RBMS1: variants seen among roughly 807,000 people sequenced by gnomAD.
RBMS1 encodes RNA binding motif single stranded interacting protein 1, also known as RNA-binding motif, single-stranded-interacting protein 1.
A neutral mutation model predicts 62.3 loss-of-function variants in RBMS1; 17 were observed. That is an observed-to-expected ratio of 0.27 (90% CI 0.19 to 0.41). RBMS1 has a LOEUF of 0.41. Among genes scored for constraint, RBMS1 ranks in the 10% least tolerant of loss-of-function variants. The pLI is 1.00. For missense variants in RBMS1, 334 were observed against 504.5 expected (o/e 0.66, Z 3.24); for synonymous variants, 172 against 170.0 (o/e 1.01, Z -0.09).
At chr2:160,356,297 T>C (rs1188886146) in intron 2 of RBMS1, among the ~76,000 whole-genome samples, 1 of 152,134 alleles carries the variant, frequency 6.6e-6, no homozygotes, top group Non-Finnish European at 1.5e-5. Context: ...CTCCTGCCTT[T>C]ATTTTGAGTT....
At chr2:160,311,232 C>CTCTCTCTCTCTCTCTA (rs1553505424) in intron 4 of RBMS1, among the ~76,000 whole-genome samples, 78 of 79,236 alleles carry the variant, frequency 9.8e-4, no homozygotes, top group Non-Finnish European at 1.6e-3. Context: ...ATCTATCTAT[C>CTCTCTCTCTCTCTCTA]TATATATATA....
Position 160,332,361 on chromosome 2 carries a change from A to T in RBMS1, c.252-14134T>A, listed in dbSNP as rs566272031. Among the ~76,000 whole-genome samples, 7 of 152,350 alleles carry T rather than the reference A, an allele frequency of 4.6e-5. No homozygotes were observed. The South Asian group carries it at 1.4e-3, about 32-fold the overall frequency. On this transcript the variant is annotated intron_variant, in intron 2 of 13. Transcript: ENST00000348849. The stretch of plus-strand genomic sequence containing the variant: ...TAATTTCAAGTTATAAACTGGGACA[A>T]AAACGTCCCAATACAATTTTGTAAA...
At chr2:160,392,629 A>ATTGCTCC (rs1694926502) in intron 1 of RBMS1, among the ~76,000 whole-genome samples, 1 of 152,164 alleles carries the variant, frequency 6.6e-6, no homozygotes, top group African/African-American at 2.4e-5. Flanking sequence ...TAAAAAGAGG[A>ATTGCTCC]AGGGCATTCT....
At chr2:160,442,521 C>T (rs1222597359) in intron 1 of RBMS1, among the ~76,000 whole-genome samples, 1 of 152,174 alleles carries the variant, frequency 6.6e-6, no homozygotes, top group East Asian at 1.9e-4. Context: ...TAGAACTAGC[C>T]ATCCCAATAC....
intron 1 of RBMS1, among the ~76,000 whole-genome samples, chr2:160,450,479 G>T (rs1683918618): frequency 6.8e-6 from 1 of 146,264 alleles, no homozygotes; most frequent in South Asian, 2.1e-4. Flanking sequence ...GGCGGAGGCT[G>T]CAGTGAGCCA....
At chr2:160,354,782 C>G (rs1692703007) in intron 2 of RBMS1, among the ~76,000 whole-genome samples, 2 of 152,096 alleles carry the variant, frequency 1.3e-5, no homozygotes, top group Non-Finnish European at 2.9e-5. Context: ...ATGAGGGAGA[C>G]AAGTGGTCCT....
intron 2 of RBMS1, among the ~76,000 whole-genome samples, chr2:160,356,863 G>A (rs1274928876): frequency 6.6e-6 from 1 of 152,000 alleles, no homozygotes; most frequent in Admixed American, 6.6e-5. Context: ...TAAAATACTT[G>A]GCATAGTTAT....
At chr2:160,481,622 T>G (rs112613306) in intron 1 of RBMS1, among the ~76,000 whole-genome samples, 1,529 of 152,236 alleles carry the variant, frequency 0.01, 17 homozygotes, top group Middle Eastern at 0.017. Flanking sequence ...ATTTAAAAAG[T>G]GAACAAAAAG....
intron 1 of RBMS1, 176 bp from the exon 2 acceptor site, chr2:160,367,567 C>T: frequency 8.4e-7 from 1 of 1,196,822 alleles, no homozygotes; most frequent in East Asian, 2.7e-5. Context: ...TCTCCTTCAA[C>T]ATAAAATTGA....
chr2:160,340,881 T>C (rs1318720428), intron 2 of RBMS1, among the ~76,000 whole-genome samples: 1 of 152,214 alleles, frequency 6.6e-6, no homozygotes, highest in Admixed American at 6.5e-5. Flanking sequence ...TCAATACCTT[T>C]AAGCCAACTT....
chr2:160,383,456 G>GC (rs1559479814), intron 1 of RBMS1, among the ~76,000 whole-genome samples: 3 of 148,232 alleles, frequency 2.0e-5, no homozygotes, highest in Admixed American at 6.7e-5. Context: ...CATGAATTGG[G>GC]GGGGGGGGAA....
chr2:160,321,616 G>T (rs1020610793), intron 2 of RBMS1, among the ~76,000 whole-genome samples: 1 of 151,952 alleles, frequency 6.6e-6, no homozygotes, highest in Non-Finnish European at 1.5e-5. Flanking sequence ...TCAAGCCCAC[G>T]ACTTTCTAAA....
intron 2 of RBMS1, among the ~76,000 whole-genome samples, chr2:160,319,672 A>AT (rs1690444282): frequency 1.3e-5 from 2 of 152,240 alleles, no homozygotes; most frequent in Non-Finnish European, 1.5e-5. Flanking sequence ...CTCATGAATG[A>AT]TTTTGAGGAC....
At chr2:160,405,577 C>T (rs1292920912) in intron 1 of RBMS1, among the ~76,000 whole-genome samples, 2 of 152,138 alleles carry the variant, frequency 1.3e-5, no homozygotes. Flanking sequence ...CCACTGGTAC[C>T]CGGGGTCTTG....
intron 2 of RBMS1, among the ~76,000 whole-genome samples, chr2:160,320,996 C>T (rs1461991346): frequency 6.6e-6 from 1 of 151,966 alleles, no homozygotes; most frequent in Non-Finnish European, 1.5e-5. Context: ...GATTAAGAGA[C>T]TGCTCAAGCT....
chr2:160,462,771 A>G (rs773839844), intron 1 of RBMS1, among the ~76,000 whole-genome samples: 1 of 151,920 alleles, frequency 6.6e-6, no homozygotes, highest in Non-Finnish European at 1.5e-5. Context: ...TAATTTTTGT[A>G]TTTTTAGCAG....
At chr2:160,345,858 T>A (rs1559417044) in intron 2 of RBMS1, among the ~76,000 whole-genome samples, 1 of 152,080 alleles carries the variant, frequency 6.6e-6, no homozygotes, top group East Asian at 1.9e-4. Context: ...TAACGCTAGA[T>A]TTAAAACTTA....
chr2:160,333,235 T>C (rs556423161), intron 2 of RBMS1, among the ~76,000 whole-genome samples: 86 of 152,264 alleles, frequency 5.6e-4, no homozygotes, highest in Admixed American at 5.4e-3. Flanking sequence ...TTGAGAAATA[T>C]GTATTATAAA....
chr2:160,366,387 T>C (rs1693400155), intron 2 of RBMS1, among the ~76,000 whole-genome samples: 1 of 152,252 alleles, frequency 6.6e-6, no homozygotes. Flanking sequence ...ATTGCAGTTA[T>C]GCAAAATTCT....
Sources: gnomAD v4.1 joint callset for allele counts (sites outside exome capture counted in the v4.1 genomes callset) on GRCh38, gnomAD v4.1.1 for gene constraint, MANE v1.5 for transcripts, NCBI Gene and HGNC (gene_info 2026-07-23, HGNC 2026-07-21) for gene names.